Variants in EYS observed in about 807,000 individuals in gnomAD.
EYS encodes protein eyes shut homolog.
EYS carries 250 observed loss-of-function variants against 282.1 expected under a neutral mutation model. The observed-to-expected ratio is 0.89, with a 90% CI of 0.80 to 0.98. The LOEUF is 0.98. Among genes scored for constraint, EYS ranks in the 50% least tolerant of loss-of-function variants. The pLI is 0.00. For synonymous variants in EYS, 1,355 were observed against 1,282.9 expected (o/e 1.06, Z -1.20); for missense variants, 4,016 against 3,709.0 (o/e 1.08, Z -2.15).
intron 19 of EYS, among the ~76,000 whole-genome samples, chr6:64,864,688 A>G (rs1453843091): frequency 6.6e-6 from 1 of 151,312 alleles, no homozygotes; most frequent in Non-Finnish European, 1.5e-5. Context: ...CTGGCCCAGA[A>G]GTGCTATGAC....
At chr6:63,963,473 C>G (rs1242743911) in intron 35 of EYS, among the ~76,000 whole-genome samples, 1 of 152,082 alleles carries the variant, frequency 6.6e-6, no homozygotes, top group Non-Finnish European at 1.5e-5. Context: ...CAGACATGTG[C>G]CAAGAAAAGT....
At chr6:65,398,399 G>T (rs1408168168) in intron 7 of EYS, among the ~76,000 whole-genome samples, 2 of 151,864 alleles carry the variant, frequency 1.3e-5, no homozygotes, top group Non-Finnish European at 2.9e-5. Flanking sequence ...AATAAATAGT[G>T]CTGGGAAAAA....
At chr6:65,510,468 G>C (rs984480211) in intron 2 of EYS, among the ~76,000 whole-genome samples, 3 of 151,982 alleles carry the variant, frequency 2.0e-5, no homozygotes, top group Non-Finnish European at 4.4e-5. Context: ...GGTGAAATGG[G>C]ATATACATTT....
At position 64,720,417 on chromosome 6, in the gene EYS, T is replaced by A. The variant is rs1185805447; in HGVS notation, c.3443+92961A>T. ...GTAAATTTCCCTGTGCCCTGTAAAG[T>A]AGAATATTCACAGGTTCTTGGTATT... On this transcript the variant is annotated intron_variant, in intron 22 of 42. Coordinates refer to ENST00000503581, the MANE Select transcript of EYS (RefSeq NM_001142800.2). Among the ~76,000 whole-genome samples the A allele has an allele frequency of 2.0e-5, 3 of 152,176 alleles. No homozygotes were observed. The East Asian group carries it at 5.8e-4, about 29-fold the overall frequency.
intron 30 of EYS, among the ~76,000 whole-genome samples, chr6:64,305,190 C>T (rs1769393370): frequency 6.6e-6 from 1 of 152,150 alleles, no homozygotes; most frequent in African/African-American, 2.4e-5. Flanking sequence ...ATGCAGTTTA[C>T]TTTTGGTTGA....
chr6:64,514,797 T>C (rs1318556567), intron 26 of EYS, among the ~76,000 whole-genome samples: 2 of 151,674 alleles, frequency 1.3e-5, no homozygotes, highest in East Asian at 1.9e-4. Flanking sequence ...GAATTTGAAA[T>C]TCAAACTCCG....
At chr6:64,018,773 T>TG (rs1433561190) in intron 33 of EYS, among the ~76,000 whole-genome samples, 16 of 114,484 alleles carry the variant, frequency 1.4e-4, no homozygotes, top group African/African-American at 6.7e-4. Context: ...TTTTTTTTTT[T>TG]TTTTTTTTTT....
intron 2 of EYS, among the ~76,000 whole-genome samples, chr6:65,632,650 A>C (rs1230502780): frequency 5.3e-5 from 8 of 152,228 alleles, no homozygotes; most frequent in Non-Finnish European, 1.5e-5. Context: ...GAGCAGAAGA[A>C]ATATGCATTC....
At position 65,490,696 on chromosome 6, in the gene EYS, A is replaced by G; in HGVS notation, c.760T>C (p.Ser254Pro). ...CHPPFTGKNC[S>P]EIIGQCQPHV... ...GGTTGACACTGGCCAATTATTTCTG[A>G]GCAATTCTTTCCTATAACAATGAAA... Residue 254 changes from serine to proline, a missense_variant, in exon 5 of 43, where the codon TCA becomes CCA. Transcript: ENST00000503581. 6.2e-7 allele frequency: 1 copy of G among 1,610,090 alleles called. No individual in the cohort carries two copies. The highest frequency in any genetic ancestry group is 8.5e-7 in the Non-Finnish European group (1 of 1,176,762).
At chr6:65,201,116 C>T (rs1765889505) in intron 12 of EYS, among the ~76,000 whole-genome samples, 1 of 151,908 alleles carries the variant, frequency 6.6e-6, no homozygotes. Context: ...AGAATAAGAC[C>T]ACACCTGAGC....
At chr6:65,033,010 G>A (rs1772651888) in intron 13 of EYS, among the ~76,000 whole-genome samples, 2 of 152,190 alleles carry the variant, frequency 1.3e-5, no homozygotes, top group African/African-American at 4.8e-5. Flanking sequence ...GGTCACATGT[G>A]TTATGCCCTA....
chr6:65,135,641 G>A (rs1246263767), intron 12 of EYS, among the ~76,000 whole-genome samples: 1 of 148,968 alleles, frequency 6.7e-6, no homozygotes, highest in Non-Finnish European at 1.5e-5. Flanking sequence ...TCAGTTAACA[G>A]TGAAATAGTG....
chr6:64,732,211 G>A (rs1049068448), intron 22 of EYS, among the ~76,000 whole-genome samples: 1 of 145,748 alleles, frequency 6.9e-6, no homozygotes, highest in African/African-American at 2.4e-5. Context: ...CCTAATGTTG[G>A]TGATGGGTTG....
chr6:65,429,148 C>T (rs1199468247), intron 5 of EYS, among the ~76,000 whole-genome samples: 1 of 151,440 alleles, frequency 6.6e-6, no homozygotes, highest in Non-Finnish European at 1.5e-5. Context: ...CATTACACTA[C>T]TGCCTGGGCA....
chr6:64,845,868 G>C (rs536817322), intron 19 of EYS, among the ~76,000 whole-genome samples: 1 of 152,000 alleles, frequency 6.6e-6, no homozygotes, highest in African/African-American at 2.4e-5. Flanking sequence ...AAATTGTAGA[G>C]GTAAATTCAA....
intron 26 of EYS, among the ~76,000 whole-genome samples, chr6:64,530,659 G>A (rs1764298871): frequency 6.6e-6 from 1 of 151,894 alleles, no homozygotes; most frequent in Admixed American, 6.6e-5. Flanking sequence ...GTGTTTGGCT[G>A]TTTTTTACCC....
chr6:65,331,469 A>G, intron 11 of EYS: 1 of 871,336 alleles, frequency 1.1e-6, no homozygotes, highest in South Asian at 5.3e-5. Context: ...ATATAGAGAA[A>G]CTTAATTTTA....
chr6:64,172,985 C>T (rs1424594641), intron 31 of EYS, among the ~76,000 whole-genome samples: 3 of 152,132 alleles, frequency 2.0e-5, no homozygotes, highest in Non-Finnish European at 4.4e-5. Context: ...TTTGGGATCG[C>T]TGCTTTATTC....
intron 12 of EYS, among the ~76,000 whole-genome samples, chr6:65,126,620 A>T (rs2150199614): frequency 6.6e-6 from 1 of 152,276 alleles, no homozygotes; most frequent in Non-Finnish European, 1.5e-5. Context: ...GGGCCCACAA[A>T]AACGATTTTT....
Sources: gnomAD v4.1 joint callset for allele counts (sites outside exome capture counted in the v4.1 genomes callset) on GRCh38, gnomAD v4.1.1 for gene constraint, MANE v1.5 for transcripts, NCBI Gene and HGNC (gene_info 2026-07-23, HGNC 2026-07-21) for gene names.